HCK: variants seen among roughly 807,000 people sequenced by gnomAD.
The protein encoded by HCK is tyrosine-protein kinase HCK.
A neutral mutation model predicts 70.4 loss-of-function variants in HCK; 40 were observed. The ratio of observed to expected loss-of-function variants is 0.57; its 90% CI spans 0.44 to 0.74. HCK has a LOEUF of 0.74. Among genes scored for constraint, HCK ranks in the 30% least tolerant of loss-of-function variants. The pLI, the probability that HCK is intolerant of heterozygous loss-of-function variation, is 0.00. For synonymous variants in HCK, 245 were observed against 263.2 expected (o/e 0.93, Z 0.67); for missense variants, 568 against 697.2 (o/e 0.81, Z 2.09).
intron 11 of HCK, among the ~76,000 whole-genome samples, chr20:32,097,979 A>T (rs1041688714): frequency 6.6e-6 from 1 of 152,180 alleles, no homozygotes; most frequent in African/African-American, 2.4e-5. Flanking sequence ...GAGTTTTGAG[A>T]ACAGGCTGGG....
At chr20:32,091,009 C>G (rs1044819235) in intron 10 of HCK, among the ~76,000 whole-genome samples, 2 of 152,198 alleles carry the variant, frequency 1.3e-5, no homozygotes, top group African/African-American at 4.8e-5. Flanking sequence ...CTTCACATGA[C>G]CCCTTGGAAC....
Position 32,079,772 on chromosome 20 carries a change from A to G in HCK, c.429-2A>G, listed in dbSNP as rs1452963966. ...ACATTTGTCCCCTCCCTTTTCCATC[A>G]GGTGGTTTTTCAAGGGCATCAGCCG... is the stretch of plus-strand genomic sequence containing the variant. On this transcript the variant is annotated splice_acceptor_variant, in intron 5 of 12. Coordinates refer to ENST00000375852, the MANE Select transcript of HCK (RefSeq NM_002110.5). LOFTEE classifies it high-confidence loss of function. 1.2e-6 allele frequency: 2 copies of G among 1,609,806 alleles called. No individual in the cohort carries two copies. Among genetic ancestry groups the G allele is most frequent in the African/African-American group, 2.7e-5 (2 of 74,830 alleles).
intron 10 of HCK, among the ~76,000 whole-genome samples, chr20:32,092,927 T>C (rs1247013438): frequency 6.6e-6 from 1 of 151,854 alleles, no homozygotes; most frequent in East Asian, 1.9e-4. Flanking sequence ...CTACAGGTCA[T>C]ATTTTGTTAC....
At chr20:32,085,018 A>T (rs1008403537) in intron 8 of HCK, among the ~76,000 whole-genome samples, 1 of 152,236 alleles carries the variant, frequency 6.6e-6, no homozygotes, top group African/African-American at 2.4e-5. Flanking sequence ...TTTCCCCAAG[A>T]ACTTAAGAAC....
chr20:32,073,384 A>G (rs761230865), intron 3 of HCK, 23 bp downstream of exon 3: 2 of 1,605,968 alleles, frequency 1.2e-6, no homozygotes, highest in Non-Finnish European at 1.7e-6. Context: ...GAGCAGATGC[A>G]GTGGAGTCAT....
At chr20:32,093,403 T>C (rs572933301) in intron 10 of HCK, among the ~76,000 whole-genome samples, 1 of 151,962 alleles carries the variant, frequency 6.6e-6, no homozygotes, top group African/African-American at 2.4e-5. Context: ...GAGGAAGATA[T>C]GAGAGGTATA....
intron 1 of HCK, among the ~76,000 whole-genome samples, chr20:32,064,714 G>A (rs762116893): frequency 6.6e-6 from 1 of 152,174 alleles, no homozygotes; most frequent in Non-Finnish European, 1.5e-5. Flanking sequence ...GGCAGGCCCC[G>A]GCCTCTCCCC....
intron 1 of HCK, among the ~76,000 whole-genome samples, chr20:32,068,389 AT>A (rs10719271): frequency 0.07 from 10,653 of 151,432 alleles, 1,079 homozygotes; most frequent in African/African-American, 0.22. Context: ...AATGAAAATA[AT>A]TTTTTTTTAA....
At chr20:32,057,251 T>C (rs1269479098) in intron 1 of HCK, among the ~76,000 whole-genome samples, 2 of 152,182 alleles carry the variant, frequency 1.3e-5, no homozygotes, top group African/African-American at 4.8e-5. Flanking sequence ...CTATAGTCAT[T>C]TGAGTTTTCA....
In HCK at chr20:32,071,680, C is replaced by A. The variant is rs752034838; in HGVS notation, c.81C>A (p.Ser27=). 1 of 1,614,088 alleles carries A rather than the reference C, an allele frequency of 6.2e-7. No homozygotes were observed. The highest frequency in any genetic ancestry group is 8.5e-7 in the Non-Finnish European group (1 of 1,179,972). ...GCTGCAGGATGGGGTGCATGAAGTC[C>A]AAGTTCCTCCAGGTCGGAGGCAATA... is the stretch of plus-strand genomic sequence containing the variant. Residue 27 remains serine (S), a synonymous_variant, in exon 2 of 13, where the codon TCC becomes TCA. Coordinates refer to ENST00000375852, the MANE Select transcript of HCK (RefSeq NM_002110.5).
At chr20:32,062,237 G>A (rs1201424425) in intron 1 of HCK, among the ~76,000 whole-genome samples, 1 of 152,090 alleles carries the variant, frequency 6.6e-6, no homozygotes, top group Non-Finnish European at 1.5e-5. Flanking sequence ...ACCATGCCCA[G>A]GATGACTTAC....
At chr20:32,055,015 C>A (rs2045248527) in intron 1 of HCK, among the ~76,000 whole-genome samples, 1 of 152,136 alleles carries the variant, frequency 6.6e-6, no homozygotes. Flanking sequence ...TTCTCTTTCC[C>A]CTGTGGATAA....
intron 5 of HCK, among the ~76,000 whole-genome samples, chr20:32,074,960 T>C (rs2045600674): frequency 6.6e-6 from 1 of 152,170 alleles, no homozygotes; most frequent in Non-Finnish European, 1.5e-5. Context: ...CTTCTGAACA[T>C]GTTTTACTAG....
rs1569017304 is a variant in HCK, at chr20:32,099,134, A to G, written c.1377A>G (p.Pro459=). ...TCACCTACGGCCGGATCCCTTACCC[A>G]GGTAGGGAAGGGGCATCAGCTCAGG... The change falls in exon 12 of 13, where the codon CCA becomes CCG. Residue 459 remains proline, a splice_region_variant and synonymous_variant. Coordinates refer to ENST00000375852, the MANE Select transcript of HCK (RefSeq NM_002110.5). The G allele has an allele frequency of 6.2e-7, 1 of 1,613,748 alleles. No individual in the cohort carries two copies. Among genetic ancestry groups the G allele is most frequent in the Non-Finnish European group, 8.5e-7 (1 of 1,179,782 alleles).
At position 32,093,852 on chromosome 20, in the gene HCK, T is replaced by C; in HGVS notation, c.1093-11T>C. On this transcript the variant is annotated splice_polypyrimidine_tract_variant and intron_variant, in intron 10 of 12. Transcript: ENST00000375852. ...GGTCTGAGGACAAAGGTGTCTCTGT[T>C]TGGGGTGCAGATTGCAGAAGGCATG... 6.2e-7 allele frequency: 1 copy of C among 1,606,948 alleles called. No individual in the cohort carries two copies. The highest frequency in any genetic ancestry group is 8.5e-7 in the Non-Finnish European group (1 of 1,176,482).
chr20:32,094,525 A>G (rs1175083576), intron 11 of HCK, among the ~76,000 whole-genome samples: 1 of 151,758 alleles, frequency 6.6e-6, no homozygotes, highest in Non-Finnish European at 1.5e-5. Flanking sequence ...ACAAAAATTT[A>G]AGAAATTAGC....
At chr20:32,070,363 C>T (rs2045519073) in intron 1 of HCK, among the ~76,000 whole-genome samples, 2 of 152,238 alleles carry the variant, frequency 1.3e-5, no homozygotes, top group South Asian at 2.1e-4. Flanking sequence ...ACTGGCCCTA[C>T]AGGATATGGT....
At chr20:32,060,401 G>A (rs1441086131) in intron 1 of HCK, among the ~76,000 whole-genome samples, 5 of 151,846 alleles carry the variant, frequency 3.3e-5, no homozygotes, top group Middle Eastern at 3.2e-3. Flanking sequence ...TTGTATTTTT[G>A]GTTGAGACAG....
chr20:32,092,380 A>C (rs965919681), intron 10 of HCK, among the ~76,000 whole-genome samples: 3 of 152,220 alleles, frequency 2.0e-5, no homozygotes, highest in Non-Finnish European at 2.9e-5. Context: ...TTTGTAAACC[A>C]AAAGTGCTGC....
Sources: allele counts gnomAD v4.1 joint callset (sites outside exome capture counted in the v4.1 genomes callset), GRCh38; gene constraint gnomAD v4.1.1; transcripts MANE v1.5; gene names NCBI Gene and HGNC (gene_info 2026-07-23, HGNC 2026-07-21).